The following CDK14 variants were observed in gnomAD, a reference collection of about 807,000 sequenced individuals.
CDK14 encodes the protein cyclin dependent kinase 14.
CDK14 carries 34 observed loss-of-function variants against 60.7 expected under a neutral mutation model. The ratio of observed to expected loss-of-function variants is 0.56; its 90% confidence interval spans 0.43 to 0.75. The LOEUF (loss-of-function observed/expected upper bound fraction) is 0.75, where lower values mean the gene tolerates loss of function less well. Ranked by LOEUF, CDK14 falls within the 30% of genes least tolerant of loss-of-function variation. The probability of loss-of-function intolerance (pLI) is 0.00; values close to 1 mark genes in which losing one functional copy is unlikely to be tolerated. For missense variants in CDK14, 482 were observed against 564.1 expected (o/e 0.85, Z 1.47); for synonymous variants, 197 against 203.7 (o/e 0.97, Z 0.28).
intron 6 of CDK14, among the ~76,000 whole-genome samples, chr7:90,877,647 A>T (rs1035921521): frequency 6.6e-6 from 1 of 152,134 alleles, no homozygotes; most frequent in Non-Finnish European, 1.5e-5. Context: ...AGAACCAGTC[A>T]GGAAAGAAAA....
intron 5 of CDK14, among the ~76,000 whole-genome samples, chr7:90,793,720 CT>C (rs11324168): frequency 1 from 151,911 of 152,304 alleles, 75,762 homozygotes; most frequent in Middle Eastern, 1. Context: ...GTGAGAAACT[CT>C]TAATACAGAG....
In CDK14 at chr7:90,771,295, G is replaced by C. The variant is rs756346730; in HGVS notation, c.465-19278G>C. ...ACTGCCTTGCTTGGTATCTCTTTTA[G>C]TTCCTCATATATATGAACTTATTCT... On this transcript the variant is annotated intron_variant, in intron 4 of 14. Transcript: ENST00000380050. Among the ~76,000 whole-genome samples, 24 of 152,210 alleles carry C rather than the reference G, an allele frequency of 1.6e-4. No individual in the cohort carries two copies. In the Middle Eastern group the frequency reaches 0.014, roughly 86 times the overall value.
intron 2 of CDK14, among the ~76,000 whole-genome samples, chr7:90,696,443 T>A (rs546436028): frequency 6.7e-6 from 1 of 149,740 alleles, no homozygotes; most frequent in Non-Finnish European, 1.5e-5. Context: ...CGGGTTCAAG[T>A]GATTCTTGTG....
chr7:90,751,395 C>T (rs909000701), intron 4 of CDK14, among the ~76,000 whole-genome samples: 2 of 151,978 alleles, frequency 1.3e-5, no homozygotes, highest in Non-Finnish European at 2.9e-5. Flanking sequence ...AAATCTCGGC[C>T]AAGAATTTCA....
intron 10 of CDK14, among the ~76,000 whole-genome samples, chr7:91,012,417 T>C (rs1310785411): frequency 6.6e-6 from 1 of 152,212 alleles, no homozygotes. Context: ...CATAGTTTTC[T>C]CTTGGTACAG....
intron 14 of CDK14, among the ~76,000 whole-genome samples, chr7:91,121,749 T>A (rs577021562): frequency 6.6e-4 from 100 of 152,322 alleles, no homozygotes; most frequent in Non-Finnish European, 1.2e-3. Flanking sequence ...TCTAAAGATA[T>A]TAGTAAAGAT....
intron 11 of CDK14, among the ~76,000 whole-genome samples, chr7:91,069,533 T>TA (rs1562891293): frequency 6.6e-6 from 1 of 151,924 alleles, no homozygotes; most frequent in Non-Finnish European, 1.5e-5. Context: ...ACACCATCTC[T>TA]AAAAAAATTT....
chr7:90,606,049 G>A (rs560743809), intron 2 of CDK14, among the ~76,000 whole-genome samples: 2 of 152,274 alleles, frequency 1.3e-5, no homozygotes, highest in East Asian at 3.9e-4. Context: ...TTTGCAAAGT[G>A]GCTTCCTTCC....
intron 11 of CDK14, among the ~76,000 whole-genome samples, chr7:91,061,839 TG>T (rs1168951827): frequency 6.6e-6 from 1 of 152,172 alleles, no homozygotes; most frequent in Non-Finnish European, 1.5e-5. Flanking sequence ...TTAGGCTACT[TG>T]GGGGTCAGGG....
chr7:90,863,159 C>G lies in CDK14; in HGVS notation c.545-16C>G. 1 of 1,431,204 alleles carries G rather than the reference C, an allele frequency of 7.0e-7. No homozygotes were observed. The highest frequency in any genetic ancestry group is 9.8e-7 in the Non-Finnish European group (1 of 1,024,660). The allele number at this position is 1,431,204 out of a possible 1,614,324, so 88.7% of individuals were successfully genotyped here. ...TATCCACGATAAATTGTTTCTCTGT[C>G]CATTTTGTTTTACAGCTTCTCTTTT... On this transcript the variant is annotated splice_polypyrimidine_tract_variant and intron_variant, in intron 5 of 14. Coordinates refer to ENST00000380050, the MANE Select transcript of CDK14 (RefSeq NM_001287135.2).
chr7:90,998,455 C>T (rs1795747308), intron 10 of CDK14, among the ~76,000 whole-genome samples: 1 of 152,146 alleles, frequency 6.6e-6, no homozygotes, highest in Non-Finnish European at 1.5e-5. Context: ...CAGTGAGACA[C>T]AGTGCAGAAG....
At chr7:90,680,488 C>A (rs1001460560) in intron 2 of CDK14, among the ~76,000 whole-genome samples, 1 of 152,100 alleles carries the variant, frequency 6.6e-6, no homozygotes, top group Non-Finnish European at 1.5e-5. Flanking sequence ...AATTTAAAGT[C>A]ATGATGTAAA....
intron 14 of CDK14, among the ~76,000 whole-genome samples, chr7:91,128,953 C>G (rs771961279): frequency 1.3e-5 from 2 of 152,132 alleles, no homozygotes; most frequent in Admixed American, 6.6e-5. Flanking sequence ...CTTTGTTGAA[C>G]GTTTCCACAA....
At chr7:91,008,238 A>C (rs1273295351) in intron 10 of CDK14, among the ~76,000 whole-genome samples, 1 of 151,960 alleles carries the variant, frequency 6.6e-6, no homozygotes, top group African/African-American at 2.4e-5. Context: ...AAGCTCTGCT[A>C]ACTCAAGGTG....
At chr7:90,636,276 A>G (rs948628485) in intron 2 of CDK14, among the ~76,000 whole-genome samples, 2 of 152,180 alleles carry the variant, frequency 1.3e-5, no homozygotes, top group Non-Finnish European at 2.9e-5. Flanking sequence ...TGGGTTTGTC[A>G]TAGATAGCTC....
At chr7:91,143,872 G>T (rs1019766207) in intron 14 of CDK14, among the ~76,000 whole-genome samples, 3 of 152,150 alleles carry the variant, frequency 2.0e-5, no homozygotes, top group African/African-American at 4.8e-5. Flanking sequence ...AGGAGACTGA[G>T]ACCTGAGCTG....
chr7:90,759,678 T>G (rs1804236828), intron 4 of CDK14, among the ~76,000 whole-genome samples: 1 of 152,222 alleles, frequency 6.6e-6, no homozygotes, highest in Non-Finnish European at 1.5e-5. Context: ...TATGAGTCTT[T>G]GCTCTCCCTG....
intron 4 of CDK14, among the ~76,000 whole-genome samples, chr7:90,788,948 C>A (rs1805713530): frequency 6.8e-6 from 1 of 147,374 alleles, no homozygotes; most frequent in Non-Finnish European, 1.5e-5. Context: ...CAGGGGAGCT[C>A]TATTTGGTAT....
chr7:91,090,044 C>T (rs1798755242), intron 12 of CDK14, among the ~76,000 whole-genome samples: 1 of 152,090 alleles, frequency 6.6e-6, no homozygotes, highest in Non-Finnish European at 1.5e-5. Flanking sequence ...AATTCTAGTG[C>T]CTTTTATTTT....
Sources: gnomAD v4.1 joint callset for allele counts (sites outside exome capture counted in the v4.1 genomes callset) on GRCh38, gnomAD v4.1.1 for gene constraint, MANE v1.5 for transcripts, NCBI Gene and HGNC (gene_info 2026-07-23, HGNC 2026-07-21) for gene names.